The following FIG4 variants were observed in gnomAD, a reference collection of about 807,000 sequenced individuals.
FIG4 encodes the protein polyphosphoinositide phosphatase.
In FIG4, 112 loss-of-function variants were observed where a neutral mutation model predicts 118.6. That is an observed-to-expected ratio of 0.94 (90% CI 0.81 to 1.11). The LOEUF (loss-of-function observed/expected upper bound fraction) is 1.11, where lower values mean the gene tolerates loss of function less well. Ranked by LOEUF, FIG4 falls within the 50% of genes least tolerant of loss-of-function variation. FIG4 has a pLI of 0.00. For missense variants in FIG4, 969 were observed against 1,111.7 expected, an observed-to-expected ratio of 0.87 and a Z score of 1.83; for synonymous variants, 369 against 381.2, an observed-to-expected ratio of 0.97 and a Z score of 0.37.
chr6:109,718,218 C>T (rs1453197126), intron 3 of FIG4, among the ~76,000 whole-genome samples: 1 of 152,116 alleles, frequency 6.6e-6, no homozygotes, highest in Non-Finnish European at 1.5e-5. Flanking sequence ...AACTCTGTAT[C>T]ACGAGAACAG....
intron 3 of FIG4, among the ~76,000 whole-genome samples, chr6:109,726,712 C>A (rs1046481866): frequency 6.6e-6 from 1 of 152,154 alleles, no homozygotes; most frequent in Admixed American, 6.6e-5. Context: ...TGGGCATTTT[C>A]ACAATATTGA....
At chr6:109,792,814 C>G in intron 21 of FIG4, 150 bp downstream of exon 21, 1 of 561,360 alleles carries the variant, frequency 1.8e-6, no homozygotes, top group Non-Finnish European at 3.1e-6. Flanking sequence ...ATCTCGGCTC[C>G]TGAGTAGCTG....
chr6:109,766,896 G>T lies in FIG4; in HGVS notation c.1750+1G>T, dbSNP rs750428095. 2 of 1,613,286 alleles carry T rather than the reference G, an allele frequency of 1.2e-6. No individual in the cohort carries two copies. Among genetic ancestry groups the T allele is most frequent in the Admixed American group, 3.3e-5 (2 of 60,012 alleles). On this transcript the variant is annotated splice_donor_variant, in intron 15 of 22. Transcript: ENST00000230124. LOFTEE classifies it high-confidence loss of function. ...AGATATTACAGCAATGCTTTTTCAG[G>T]TAATTCTGAAGTAATAGCTATTTTT...
At chr6:109,763,837 C>A in intron 12 of FIG4, 100 bp from the exon 13 acceptor site, 1 of 835,030 alleles carries the variant, frequency 1.2e-6, no homozygotes, top group Non-Finnish European at 2.0e-6. Context: ...GCCTTCAGCT[C>A]TATTACTTTA....
intron 16 of FIG4, among the ~76,000 whole-genome samples, chr6:109,784,460 C>T (rs1012207051): frequency 2.0e-5 from 3 of 152,182 alleles, no homozygotes; most frequent in Non-Finnish European, 1.5e-5. Context: ...CTGTCTAATT[C>T]GTTCCTTAAT....
At chr6:109,711,669 A>G (rs1271538702) in intron 1 of FIG4, among the ~76,000 whole-genome samples, 2 of 152,102 alleles carry the variant, frequency 1.3e-5, no homozygotes, top group African/African-American at 2.4e-5. Context: ...CATTGCATGT[A>G]AGATGGGTCT....
chr6:109,813,761 C>T (rs768367096), intron 22 of FIG4, among the ~76,000 whole-genome samples: 2 of 152,148 alleles, frequency 1.3e-5, no homozygotes. Flanking sequence ...TCTCTTGGAT[C>T]ACTTGCTCCA....
chr6:109,776,903 T>C lies in FIG4; in HGVS notation c.1751-19T>C. The C allele has an allele frequency of 1.3e-6, 2 of 1,599,352 alleles. No individual in the cohort carries two copies. Among genetic ancestry groups the C allele is most frequent in the South Asian group, 1.1e-5 (1 of 90,746 alleles). ...TCCATCAGTAATGGATTTTCTGAAA[T>C]ATATATTTTGCTTTTTAGATGCCGA... On this transcript the variant is annotated intron_variant, in intron 15 of 22. Transcript: ENST00000230124.
intron 22 of FIG4, among the ~76,000 whole-genome samples, chr6:109,806,512 G>C (rs917596361): frequency 1.9e-4 from 29 of 151,970 alleles, no homozygotes; most frequent in African/African-American, 7.0e-4. Flanking sequence ...TGCTTGTGTA[G>C]TGTATTAAGA....
chr6:109,704,843 A>G (rs1775015893), intron 1 of FIG4, among the ~76,000 whole-genome samples: 1 of 152,170 alleles, frequency 6.6e-6, no homozygotes, highest in Admixed American at 6.5e-5. Flanking sequence ...TATCAAATCC[A>G]GCTATAGAGG....
At chr6:109,731,349 G>C (rs1583659377) in intron 4 of FIG4, among the ~76,000 whole-genome samples, 1 of 152,282 alleles carries the variant, frequency 6.6e-6, no homozygotes, top group East Asian at 1.9e-4. Flanking sequence ...ATCTGCCCTA[G>C]AGAAACTCTT....
At chr6:109,735,326 T>C in intron 6 of FIG4, 28 bp downstream of exon 6, 1 of 1,583,408 alleles carries the variant, frequency 6.3e-7, no homozygotes, top group South Asian at 1.1e-5. Flanking sequence ...ATCTAATGTA[T>C]ATTAATGTGG....
At chr6:109,777,175 A>T in intron 16 of FIG4, 115 bp downstream of exon 16, 3 of 963,662 alleles carry the variant, frequency 3.1e-6, no homozygotes, top group Non-Finnish European at 4.5e-6. Flanking sequence ...TTTATTTTTT[A>T]AAATTTTTAA....
chr6:109,722,039 C>A (rs1011438240), intron 3 of FIG4, among the ~76,000 whole-genome samples: 2 of 151,934 alleles, frequency 1.3e-5, no homozygotes, highest in South Asian at 2.1e-4. Flanking sequence ...ATTATTTAAT[C>A]CCAATTACAT....
chr6:109,701,785 A>G, intron 1 of FIG4: 1 of 470,508 alleles, frequency 2.1e-6, no homozygotes, highest in Non-Finnish European at 4.4e-6. Context: ...GGAGAGAGCA[A>G]TATAGGGTGT....
chr6:109,702,846 A>G (rs1774945685), intron 1 of FIG4, among the ~76,000 whole-genome samples: 1 of 152,166 alleles, frequency 6.6e-6, no homozygotes, highest in Admixed American at 6.5e-5. Flanking sequence ...AAAATCTCTC[A>G]ACACATTCAC....
intron 15 of FIG4, among the ~76,000 whole-genome samples, chr6:109,776,198 A>G (rs1777614093): frequency 6.6e-6 from 1 of 152,246 alleles, no homozygotes; most frequent in Admixed American, 6.5e-5. Context: ...CCAAAAGATA[A>G]TTAGGAAAAG....
chr6:109,760,200 C>A, intron 10 of FIG4, 50 bp from the exon 11 acceptor site: 1 of 1,535,812 alleles, frequency 6.5e-7, no homozygotes. Flanking sequence ...GAGCCTGTTC[C>A]TCTGATTTAA....
At chr6:109,749,588 TAATAAAATAA>T (rs56866401) in intron 10 of FIG4, among the ~76,000 whole-genome samples, 2 of 141,764 alleles carry the variant, frequency 1.4e-5, no homozygotes, top group Non-Finnish European at 3.0e-5. Context: ...CCTGCCTCAA[TAATAAAATAA>T]AATAAAATAA....
Sources: allele counts gnomAD v4.1 joint callset (sites outside exome capture counted in the v4.1 genomes callset), GRCh38; gene constraint gnomAD v4.1.1; transcripts MANE v1.5; gene names NCBI Gene and HGNC (gene_info 2026-07-23, HGNC 2026-07-21).